The following HERC2 variants were observed in gnomAD, a reference collection of about 807,000 sequenced individuals.
The protein encoded by HERC2 is E3 ubiquitin-protein ligase HERC2.
Under a neutral mutation model 537.7 loss-of-function variants are expected in HERC2, and 102 were observed. That is an observed-to-expected ratio of 0.19 (90% CI 0.16 to 0.22). HERC2 has a LOEUF of 0.22. Ranked by LOEUF, HERC2 falls within the 10% of genes least tolerant of loss-of-function variation. HERC2 has a pLI of 1.00. For missense variants in HERC2, 4,236 were observed against 6,198.2 expected (o/e 0.68, Z 10.63); for synonymous variants, 2,224 against 2,466.2 (o/e 0.90, Z 2.91).
chr15:28,158,351 T>G (rs1416438829), intron 69 of HERC2, among the ~76,000 whole-genome samples: 1 of 152,152 alleles, frequency 6.6e-6, no homozygotes, highest in African/African-American at 2.4e-5. Context: ...AAGTCTCCCA[T>G]TATTATTGTG....
intron 64 of HERC2, 119 bp from the exon 65 acceptor site, chr15:28,174,739 T>C (rs1416774446): frequency 2.4e-6 from 2 of 841,004 alleles, no homozygotes; most frequent in African/African-American, 3.4e-5. Flanking sequence ...AATTGAGTTC[T>C]TAAAGGTAAA....
At chr15:28,223,761 C>T (rs576366377) in intron 35 of HERC2, among the ~76,000 whole-genome samples, 9 of 152,226 alleles carry the variant, frequency 5.9e-5, no homozygotes, top group Non-Finnish European at 1.2e-4. Flanking sequence ...TCTTAAATGA[C>T]AAGAAGGATA....
chr15:28,278,998 CTCTT>C (rs1240126840), intron 5 of HERC2, among the ~76,000 whole-genome samples: 1 of 152,186 alleles, frequency 6.6e-6, no homozygotes, highest in Non-Finnish European at 1.5e-5. Context: ...CCAAAAGCAT[CTCTT>C]TTTTTTGCTT....
intron 10 of HERC2, among the ~76,000 whole-genome samples, chr15:28,270,254 T>C (rs1462044034): frequency 3.3e-5 from 5 of 151,556 alleles, no homozygotes; most frequent in African/African-American, 1.2e-4. Flanking sequence ...TATAGATAGA[T>C]AGATAGATAG....
chr15:28,123,972 T>A, intron 85 of HERC2, 65 bp downstream of exon 85: 1 of 1,306,624 alleles, frequency 7.7e-7, no homozygotes, highest in Non-Finnish European at 1.0e-6. Flanking sequence ...AGTATAGGAA[T>A]TCTATTGGGT....
chr15:28,246,901 GA>G lies in HERC2; in HGVS notation c.3236-5del. On this transcript the variant is annotated splice_polypyrimidine_tract_variant and splice_region_variant and intron_variant, in intron 21 of 92. Coordinates refer to ENST00000261609, the MANE Select transcript of HERC2 (RefSeq NM_004667.6). ...CCAACACCCATTAGCTCTGGACCTT[GA>G]AGAAGGATTGAGAAATTTTCATTTT... 2 of 1,593,180 alleles carry G rather than the reference GA, an allele frequency of 1.3e-6. No individual in the cohort carries two copies. The highest frequency in any genetic ancestry group is 1.7e-6 in the Non-Finnish European group (2 of 1,174,336).
chr15:28,230,908 G>A (rs970800007), intron 30 of HERC2, among the ~76,000 whole-genome samples: 18 of 151,750 alleles, frequency 1.2e-4, no homozygotes, highest in Admixed American at 7.2e-4. Context: ...TTAGCTTCAT[G>A]TAATTTTCAT....
At chr15:28,161,506 G>A (rs985677260) in intron 69 of HERC2, among the ~76,000 whole-genome samples, 1 of 152,208 alleles carries the variant, frequency 6.6e-6, no homozygotes, top group Non-Finnish European at 1.5e-5. Context: ...GAAGCCCACG[G>A]CCTTTACGAC....
At chr15:28,130,478 T>C (rs1254779747) in intron 82 of HERC2, 25 bp downstream of exon 82, 1 of 1,608,574 alleles carries the variant, frequency 6.2e-7, no homozygotes, top group Middle Eastern at 1.7e-4. Context: ...TTTTAGTGGG[T>C]TTAAACAAAC....
At chr15:28,201,589 G>A (rs753657042) in intron 47 of HERC2, 35 bp from the exon 48 acceptor site, 17 of 1,331,308 alleles carry the variant, frequency 1.3e-5, no homozygotes, top group African/African-American at 2.9e-5. Context: ...CAAAAAAACA[G>A]GAGAACATGA....
intron 38 of HERC2, among the ~76,000 whole-genome samples, chr15:28,216,244 T>C (rs1319948553): frequency 6.6e-6 from 1 of 152,202 alleles, no homozygotes; most frequent in Non-Finnish European, 1.5e-5. Flanking sequence ...AGTGCATCTA[T>C]TATATTTTTA....
chr15:28,219,224 G>A (rs548596386), intron 37 of HERC2, among the ~76,000 whole-genome samples: 9 of 152,236 alleles, frequency 5.9e-5, no homozygotes, highest in Non-Finnish European at 1.0e-4. Context: ...ACAAAGCACC[G>A]GCATCTGTGG....
At position 28,125,150 on chromosome 15, in the gene HERC2, T is replaced by C; in HGVS notation, c.12846A>G (p.Gly4282=). ...TCTGGATGGCATTGGTGGTTCCGTC[T>C]CCCAGTTGTCCCTCATCATTGTCGC... The part of the protein sequence containing the change: ...TWGDNDEGQL[G]DGTTNAIQRP... The change falls in exon 84 of 93, where the codon GGA becomes GGG. Residue 4282 remains glycine (G), a synonymous_variant. Coordinates refer to ENST00000261609, the MANE Select transcript of HERC2 (RefSeq NM_004667.6). The C allele has an allele frequency of 1.9e-6, 3 of 1,613,982 alleles. No homozygotes were observed. The highest frequency in any genetic ancestry group is 2.5e-6 in the Non-Finnish European group (3 of 1,179,824).
chr15:28,154,178 C>T (rs1892748212), intron 69 of HERC2, among the ~76,000 whole-genome samples: 2 of 152,040 alleles, frequency 1.3e-5, no homozygotes, highest in Admixed American at 6.6e-5. Context: ...ATTTTTAATC[C>T]AGAAAAAATA....
intron 4 of HERC2, among the ~76,000 whole-genome samples, chr15:28,288,307 C>T (rs1166918520): frequency 6.6e-6 from 1 of 151,790 alleles, no homozygotes; most frequent in African/African-American, 2.4e-5. Flanking sequence ...GGGTGGATCA[C>T]CTGAGGTCAG....
chr15:28,209,521 T>C (rs1898887839), intron 44 of HERC2, among the ~76,000 whole-genome samples: 1 of 152,002 alleles, frequency 6.6e-6, no homozygotes, highest in Non-Finnish European at 1.5e-5. Context: ...TTTTTTGTAT[T>C]TTTAGTAGAG....
In HERC2 at chr15:28,319,715, T is replaced by C. The variant is rs542256130; in HGVS notation, c.72+1647A>G. ...AAGATATAAATGGTGCTTCACTGTA[T>C]GTTTATCTGCCCAACCCATCATAGG... On this transcript the variant is annotated intron_variant, in intron 2 of 92. Coordinates refer to ENST00000261609, the MANE Select transcript of HERC2 (RefSeq NM_004667.6). Among the ~76,000 whole-genome samples the C allele has an allele frequency of 2.0e-5, 3 of 151,980 alleles. No homozygotes were observed. In the East Asian group the frequency reaches 5.8e-4, roughly 29 times the overall value.
intron 2 of HERC2, among the ~76,000 whole-genome samples, chr15:28,306,117 T>C (rs2076780274): frequency 1.3e-5 from 2 of 152,240 alleles, no homozygotes; most frequent in Admixed American, 1.3e-4. Flanking sequence ...TGAATAACAG[T>C]GGTGACAGTG....
At chr15:28,198,549 G>A in intron 49 of HERC2, 46 bp from the exon 50 acceptor site, 7 of 1,609,536 alleles carry the variant, frequency 4.3e-6, no homozygotes, top group Non-Finnish European at 5.9e-6. Flanking sequence ...TTCATTTAAG[G>A]GAATTTTGTC....
Sources: allele counts gnomAD v4.1 joint callset (sites outside exome capture counted in the v4.1 genomes callset), GRCh38; gene constraint gnomAD v4.1.1; transcripts MANE v1.5; gene names NCBI Gene and HGNC (gene_info 2026-07-23, HGNC 2026-07-21).